The following NXPE2 variants were observed in gnomAD, a reference collection of about 807,000 sequenced individuals.
NXPE2 encodes neurexophilin and PC-esterase domain family member 2.
A neutral mutation model predicts 34.4 loss-of-function variants in NXPE2; 34 were observed. The ratio of observed to expected loss-of-function variants is 0.99; its 90% confidence interval spans 0.75 to 1.31. NXPE2 has a LOEUF of 1.31. Ranked by LOEUF, NXPE2 falls within the 40% of genes most tolerant of loss-of-function variation. NXPE2 has a pLI of 0.00. For missense variants in NXPE2, 649 were observed against 672.5 expected (o/e 0.97, Z 0.39); for synonymous variants, 235 against 231.3 (o/e 1.02, Z -0.15).
chr11:114,808,722 G>A, the NXPE2 span, among the ~76,000 whole-genome samples: 22 of 152,056 alleles, frequency 1.4e-4, no homozygotes, highest in East Asian at 3.9e-4. Flanking sequence ...ACCAAAAAAA[G>A]TCCAGGACCA....
At chr11:114,631,646 A>C in the NXPE2 span, among the ~76,000 whole-genome samples, 2 of 151,964 alleles carry the variant, frequency 1.3e-5, no homozygotes, top group Non-Finnish European at 2.9e-5. Context: ...CACATTGTGC[A>C]CAGGTACCCT....
the NXPE2 span, among the ~76,000 whole-genome samples, chr11:114,669,761 G>A: frequency 6.6e-6 from 1 of 152,010 alleles, no homozygotes; most frequent in Non-Finnish European, 1.5e-5. Context: ...TTTATTTGGA[G>A]CAGTCTGAAG....
chr11:114,726,964 C>T, the NXPE2 span, among the ~76,000 whole-genome samples: 2 of 62,156 alleles, frequency 3.2e-5, no homozygotes, highest in Non-Finnish European at 8.0e-5. Context: ...AAGACAGAAG[C>T]TTTCTCTTTC....
chr11:114,534,061 C>G, the NXPE2 span, among the ~76,000 whole-genome samples: 16 of 152,326 alleles, frequency 1.1e-4, no homozygotes, highest in African/African-American at 3.8e-4. Context: ...ACACCTCACA[C>G]TGCCGGGTAC....
At chr11:114,512,101 T>C in the NXPE2 span, among the ~76,000 whole-genome samples, 2 of 152,274 alleles carry the variant, frequency 1.3e-5, no homozygotes, top group Non-Finnish European at 1.5e-5. Flanking sequence ...CCGGGATTTT[T>C]TTGGTATAGT....
chr11:114,554,850 G>T, the NXPE2 span, among the ~76,000 whole-genome samples: 1 of 152,084 alleles, frequency 6.6e-6, no homozygotes, highest in Non-Finnish European at 1.5e-5. Flanking sequence ...AGGTTCACAG[G>T]CCTCCTAAAC....
At chr11:114,600,679 A>G in the NXPE2 span, among the ~76,000 whole-genome samples, 1 of 152,144 alleles carries the variant, frequency 6.6e-6, no homozygotes, top group Non-Finnish European at 1.5e-5. Context: ...GTCCTGAAAT[A>G]GAAGAAGGAC....
the NXPE2 span, among the ~76,000 whole-genome samples, chr11:114,575,191 T>C: frequency 6.6e-6 from 1 of 152,032 alleles, no homozygotes; most frequent in Non-Finnish European, 1.5e-5. Context: ...GGGACATACC[T>C]TAAGGTAATA....
chr11:114,723,194 T>C, the NXPE2 span, among the ~76,000 whole-genome samples: 13 of 152,288 alleles, frequency 8.5e-5, no homozygotes, highest in African/African-American at 3.1e-4. Context: ...TTTTTATTTG[T>C]AAAATTGTAT....
chr11:114,514,319 T>C, the NXPE2 span, among the ~76,000 whole-genome samples: 1 of 152,208 alleles, frequency 6.6e-6, no homozygotes. Context: ...ATTTGCATCC[T>C]GGAAATGGAA....
chr11:114,583,580 T>C, the NXPE2 span: 2 of 595,338 alleles, frequency 3.4e-6, no homozygotes, highest in Non-Finnish European at 6.7e-6. Flanking sequence ...GTTTGACTTC[T>C]GTCAGTTGTC....
the NXPE2 span, among the ~76,000 whole-genome samples, chr11:114,508,055 C>T: frequency 3.3e-5 from 5 of 152,134 alleles, no homozygotes; most frequent in African/African-American, 9.7e-5. Context: ...TCTCAGGTTA[C>T]AAAATCAATG....
the NXPE2 span, among the ~76,000 whole-genome samples, chr11:114,502,359 A>C: frequency 6.6e-6 from 1 of 152,096 alleles, no homozygotes; most frequent in Non-Finnish European, 1.5e-5. Flanking sequence ...TATATACTTC[A>C]TGTCTCTAGC....
chr11:114,486,464 T>C, the NXPE2 span, among the ~76,000 whole-genome samples: 2 of 152,144 alleles, frequency 1.3e-5, no homozygotes, highest in East Asian at 3.9e-4. Flanking sequence ...CTTCACTTTG[T>C]GGATTGTTTC....
the NXPE2 span, among the ~76,000 whole-genome samples, chr11:114,490,681 C>T: frequency 2.6e-5 from 4 of 152,198 alleles, no homozygotes; most frequent in African/African-American, 9.7e-5. Context: ...GCCTTCCTTA[C>T]ACCTTATACA....
the NXPE2 span, among the ~76,000 whole-genome samples, chr11:114,536,301 A>G: frequency 1.3e-5 from 2 of 152,366 alleles, no homozygotes; most frequent in South Asian, 4.1e-4. Context: ...AGGGAAATTT[A>G]TAGCACTAAA....
rs1047472059 is a variant in NXPE2 at position 114,706,836 on chromosome 11, G to A, written c.1586G>A (p.Trp529Ter). ...VDLNVGIIDA[W>*]DMTIAYCTNN... The stretch of plus-strand genomic sequence containing the variant: ...CTTAATGTGGGTATTATTGATGCCT[G>A]GGACATGACGATTGCATATTGCACC... The change falls in exon 6 of 6, where the codon TGG becomes TAG. Residue 529 changes from tryptophan (W) to a stop codon, truncating the protein, a stop_gained. Transcript: ENST00000389586. LOFTEE classifies it low-confidence loss of function (END_TRUNC). The A allele has an allele frequency of 6.4e-7, 1 of 1,551,876 alleles. No individual in the cohort carries two copies. Among genetic ancestry groups the A allele is most frequent in the Admixed American group, 2.0e-5 (1 of 51,014 alleles).
At chr11:114,624,928 G>A in the NXPE2 span, among the ~76,000 whole-genome samples, 1 of 152,134 alleles carries the variant, frequency 6.6e-6, no homozygotes, top group East Asian at 1.9e-4. Context: ...GTTACCTGGT[G>A]GATAATACGT....
chr11:114,663,444 G>A, the NXPE2 span, among the ~76,000 whole-genome samples: 1 of 152,038 alleles, frequency 6.6e-6, no homozygotes, highest in Admixed American at 6.6e-5. Flanking sequence ...AATGGGGGTT[G>A]TCTTAGAAGG....
Sources: allele counts gnomAD v4.1 joint callset (sites outside exome capture counted in the v4.1 genomes callset), GRCh38; gene constraint gnomAD v4.1.1; transcripts MANE v1.5; gene names NCBI Gene and HGNC (gene_info 2026-07-23, HGNC 2026-07-21).